Variants in MON2 observed in about 807,000 individuals in gnomAD.
MON2 encodes MON2 regulator of endosome-to-Golgi trafficking.
MON2 carries 84 observed loss-of-function variants against 208.6 expected under a neutral mutation model. That is an observed-to-expected ratio of 0.40 (90% CI 0.34 to 0.48). MON2 has a LOEUF of 0.48. Ranked by LOEUF, MON2 falls within the 20% of genes least tolerant of loss-of-function variation. MON2 has a pLI of 0.59. For synonymous variants in MON2, 660 were observed against 694.0 expected (o/e 0.95, Z 0.77); for missense variants, 1,611 against 2,015.4 (o/e 0.80, Z 3.84).
intron 34 of MON2, chr12:62,588,859 G>T (rs1436337955): frequency 2.7e-6 from 4 of 1,467,726 alleles, no homozygotes; most frequent in Non-Finnish European, 3.7e-6. Flanking sequence ...TATCCAGCTT[G>T]TATCAGCCTA....
intron 1 of MON2, among the ~76,000 whole-genome samples, chr12:62,479,435 C>G (rs1304411890): frequency 2.3e-5 from 2 of 86,190 alleles, no homozygotes; most frequent in South Asian, 8.2e-4. Flanking sequence ...TGTATATCCC[C>G]CCCCCCCCCC....
At chr12:62,534,338 G>C (rs905062934) in intron 12 of MON2, among the ~76,000 whole-genome samples, 2 of 151,108 alleles carry the variant, frequency 1.3e-5, no homozygotes, top group African/African-American at 4.9e-5. Flanking sequence ...GACCAACATG[G>C]TGAAACCCTG....
intron 8 of MON2, among the ~76,000 whole-genome samples, chr12:62,519,805 G>T (rs560340292): frequency 6.6e-6 from 1 of 152,174 alleles, no homozygotes; most frequent in East Asian, 1.9e-4. Flanking sequence ...ATACCAAACG[G>T]TACACTTTCT....
At chr12:62,476,259 G>A (rs1031374033) in intron 1 of MON2, among the ~76,000 whole-genome samples, 4 of 152,066 alleles carry the variant, frequency 2.6e-5, no homozygotes, top group Non-Finnish European at 2.9e-5. Flanking sequence ...TTTGTTTTGT[G>A]AGCATTTTGT....
intron 4 of MON2, 22 bp from the exon 5 acceptor site, chr12:62,498,897 T>A (rs1344663260): frequency 6.4e-7 from 1 of 1,572,652 alleles, no homozygotes; most frequent in East Asian, 2.3e-5. Context: ...TATTTCACAC[T>A]AAATGAAAAT....
At chr12:62,570,397 A>G (rs1282443894) in intron 29 of MON2, among the ~76,000 whole-genome samples, 1 of 152,220 alleles carries the variant, frequency 6.6e-6, no homozygotes, top group Non-Finnish European at 1.5e-5. Flanking sequence ...ATAATTTTAC[A>G]GATAGAACAT....
intron 1 of MON2, among the ~76,000 whole-genome samples, chr12:62,474,149 G>A (rs952967154): frequency 2.1e-5 from 3 of 139,780 alleles, no homozygotes; most frequent in African/African-American, 5.4e-5. Context: ...ACAAAGTCTC[G>A]CTCTTGTCCC....
intron 7 of MON2, among the ~76,000 whole-genome samples, chr12:62,507,794 C>G (rs978219509): frequency 6.6e-6 from 1 of 152,074 alleles, no homozygotes; most frequent in East Asian, 1.9e-4. Flanking sequence ...TTTGAGACAG[C>G]ATCTTGCTCT....
intron 11 of MON2, among the ~76,000 whole-genome samples, chr12:62,526,377 A>G (rs894446938): frequency 1.3e-5 from 2 of 152,178 alleles, no homozygotes; most frequent in Non-Finnish European, 2.9e-5. Context: ...TGGTTTAAGT[A>G]TATGAATTAG....
chr12:62,493,924 A>G lies in MON2; in HGVS notation c.185A>G (p.Glu62Gly). 1 of 1,585,604 alleles carries G rather than the reference A, an allele frequency of 6.3e-7. No homozygotes were observed. Among genetic ancestry groups the G allele is most frequent in the Non-Finnish European group, 8.6e-7 (1 of 1,163,578 alleles). Residue 62 changes from glutamate to glycine, a missense_variant, in exon 3 of 35, where the codon GAG becomes GGG. Coordinates refer to ENST00000393630, the MANE Select transcript of MON2 (RefSeq NM_015026.3). ...TGTGTTCTAAATGAAGCACTGAAAG[A>G]GAACAGCTCAGAGGTTGTACAGCCT... is the stretch of plus-strand genomic sequence containing the variant. Reference protein sequence around the residue: ...RNTEILAALKENSSEVVQPFL... With the variant: ...RNTEILAALKGNSSEVVQPFL...
intron 8 of MON2, among the ~76,000 whole-genome samples, chr12:62,518,117 G>C (rs1009093528): frequency 3.3e-5 from 5 of 152,238 alleles, no homozygotes; most frequent in African/African-American, 1.2e-4. Flanking sequence ...ATTCTTAAAT[G>C]GTGGAGAGTA....
intron 34 of MON2, among the ~76,000 whole-genome samples, chr12:62,590,735 C>T (rs949272612): frequency 6.6e-6 from 1 of 152,180 alleles, no homozygotes; most frequent in African/African-American, 2.4e-5. Flanking sequence ...GGCTGGAGTG[C>T]AGTGGTGCTA....
chr12:62,508,770 T>C (rs11174518), intron 8 of MON2: 38,078 of 291,128 alleles, frequency 0.13, 2,962 homozygotes, highest in Middle Eastern at 0.24. Flanking sequence ...CTGTATCTCA[T>C]TTGAAGGATT....
intron 7 of MON2, among the ~76,000 whole-genome samples, chr12:62,504,245 C>CTTTTTT (rs71450586): frequency 5.1e-4 from 60 of 118,574 alleles, no homozygotes; most frequent in African/African-American, 1.0e-3. Flanking sequence ...CTTTTCTTTT[C>CTTTTTT]TTTTTTTTTT....
At chr12:62,468,255 C>A (rs1421821501) in intron 1 of MON2, among the ~76,000 whole-genome samples, 1 of 151,796 alleles carries the variant, frequency 6.6e-6, no homozygotes, top group Non-Finnish European at 1.5e-5. Flanking sequence ...AGGCGGGTCT[C>A]GAACTCCCGA....
intron 3 of MON2, 139 bp from the exon 4 acceptor site, chr12:62,494,877 G>A: frequency 1.9e-6 from 1 of 535,654 alleles, no homozygotes; most frequent in Non-Finnish European, 3.1e-6. Context: ...TTTGGATCTA[G>A]AAATCTAAAA....
chr12:62,507,455 C>T (rs557898129), intron 7 of MON2, among the ~76,000 whole-genome samples: 15 of 151,606 alleles, frequency 9.9e-5, no homozygotes, highest in African/African-American at 2.4e-4. Flanking sequence ...TAGCTGGGAC[C>T]GCAGGAGGCA....
At chr12:62,588,243 T>C (rs1277479173) in intron 34 of MON2, 87 bp downstream of exon 34, 1 of 899,074 alleles carries the variant, frequency 1.1e-6, no homozygotes, top group Non-Finnish European at 1.7e-6. Context: ...AACTGAATTA[T>C]AGGAACATAG....
chr12:62,502,378 G>T (rs946937605), intron 7 of MON2, among the ~76,000 whole-genome samples: 2 of 151,132 alleles, frequency 1.3e-5, no homozygotes, highest in Non-Finnish European at 2.9e-5. Flanking sequence ...TCCAGCCTGG[G>T]TGAGAGAGCG....
Sources: gnomAD v4.1 joint callset for allele counts (sites outside exome capture counted in the v4.1 genomes callset) on GRCh38, gnomAD v4.1.1 for gene constraint, MANE v1.5 for transcripts, NCBI Gene and HGNC (gene_info 2026-07-23, HGNC 2026-07-21) for gene names.